Variants in PCDHGA5 observed in about 807,000 individuals in gnomAD.
PCDHGA5 encodes protocadherin gamma subfamily A, 5.
A neutral mutation model predicts 56.7 loss-of-function variants in PCDHGA5; 36 were observed. The observed-to-expected ratio is 0.64, with a 90% CI of 0.49 to 0.84. The LOEUF is 0.84. Ranked by LOEUF, PCDHGA5 falls within the 40% of genes least tolerant of loss-of-function variation. The probability of loss-of-function intolerance (pLI) is 0.00; values close to 1 mark genes in which losing one functional copy is unlikely to be tolerated. For synonymous variants in PCDHGA5, 563 were observed against 520.2 expected, an observed-to-expected ratio of 1.08 and a Z score of -1.12; for missense variants, 1,305 against 1,201.5, an observed-to-expected ratio of 1.09 and a Z score of -1.27.
intron 1 of PCDHGA5, among the ~76,000 whole-genome samples, chr5:141,444,359 C>T (rs942218966): frequency 7.9e-5 from 12 of 151,582 alleles, no homozygotes; most frequent in East Asian, 7.7e-4. Context: ...TTAGTAGAGA[C>T]GGGGTTTCTC....
intron 1 of PCDHGA5, among the ~76,000 whole-genome samples, chr5:141,461,165 TG>T (rs2099010296): frequency 6.6e-6 from 1 of 152,146 alleles, no homozygotes; most frequent in South Asian, 2.1e-4. Flanking sequence ...ATAGTGGGAT[TG>T]CTGGATTGAA....
chr5:141,481,229 A>G (rs989963485), intron 1 of PCDHGA5, among the ~76,000 whole-genome samples: 5 of 152,212 alleles, frequency 3.3e-5, no homozygotes, highest in African/African-American at 4.8e-5. Context: ...TCCCAGCCTT[A>G]AAGTATTACA....
intron 1 of PCDHGA5, chr5:141,418,595 G>T (rs1331897624): frequency 5.6e-6 from 9 of 1,613,928 alleles, no homozygotes; most frequent in Non-Finnish European, 7.6e-6. Flanking sequence ...CAGCCAGGAC[G>T]TGTACAGGGT....
chr5:141,430,750 G>A (rs746434313), intron 1 of PCDHGA5: 2 of 1,500,586 alleles, frequency 1.3e-6, no homozygotes, highest in Non-Finnish European at 1.8e-6. Context: ...AATTCTGGAG[G>A]AAGATAAGAA....
At chr5:141,509,354 A>G (rs1229726913) in intron 3 of PCDHGA5, among the ~76,000 whole-genome samples, 2 of 152,144 alleles carry the variant, frequency 1.3e-5, no homozygotes, top group Non-Finnish European at 2.9e-5. Context: ...TGGCCTGGGC[A>G]TCCCTGAGGT....
rs1319222603 is a variant in PCDHGA5 at position 141,438,686 on chromosome 5, A to G, written c.2422-56121A>G. Among the ~76,000 whole-genome samples the G allele has an allele frequency of 2.8e-5, 4 of 140,922 alleles. No homozygotes were observed. The Admixed American group carries it at 2.9e-4, about 10-fold the overall frequency. 92.5% of individuals were successfully genotyped at this position (140,922 alleles called of 152,430 possible). On this transcript the variant is annotated intron_variant, in intron 1 of 3. Transcript: ENST00000518069. ...TATATATATTTGGAGTAGGGGATGGAGTCTTGCTCTGTCACCCAGGCTGGA... is the reference window on the plus strand; with the variant it reads ...TATATATATTTGGAGTAGGGGATGGGGTCTTGCTCTGTCACCCAGGCTGGA...
chr5:141,454,857 G>C (rs1365819097), intron 1 of PCDHGA5, among the ~76,000 whole-genome samples: 2 of 131,566 alleles, frequency 1.5e-5, no homozygotes, highest in African/African-American at 6.0e-5. Context: ...ACCCAGGCTG[G>C]AGTGCAGTGG....
chr5:141,419,945 T>C (rs2096451536), intron 1 of PCDHGA5: 4 of 1,614,088 alleles, frequency 2.5e-6, no homozygotes, highest in Middle Eastern at 1.6e-4. Context: ...GGTGGTGGCC[T>C]TGGCCTTGAT....
rs748176272 is a variant in PCDHGA5, at chr5:141,371,620, C to A, written c.2421+4869C>A. On this transcript the variant is annotated intron_variant, in intron 1 of 3. Coordinates refer to ENST00000518069, the MANE Select transcript of PCDHGA5 (RefSeq NM_018918.3). ...ACATACAGGTTGGTGACAGATGGAG[C>A]CCTGGACCGGGAGCAGATCCCAGAA... The A allele has an allele frequency of 2.5e-6, 4 of 1,613,874 alleles. No homozygotes were observed. The African/African-American group carries it at 4.0e-5, about 16-fold the overall frequency.
chr5:141,389,569 A>T, intron 1 of PCDHGA5: 2 of 1,613,182 alleles, frequency 1.2e-6, no homozygotes, highest in Non-Finnish European at 1.7e-6. Context: ...CGGGTGCTGT[A>T]CCCCGCGCTG....
chr5:141,448,329 A>T (rs1166759766), intron 1 of PCDHGA5, among the ~76,000 whole-genome samples: 1 of 152,146 alleles, frequency 6.6e-6, no homozygotes, highest in Non-Finnish European at 1.5e-5. Context: ...TTGAATCTTT[A>T]TAGCCATGTA....
chr5:141,371,372 T>A lies in PCDHGA5; in HGVS notation c.2421+4621T>A, dbSNP rs73265849. ...GGGTGGAAGCAAAGGATGGTGGACA[T>A]CACACTGCATATTGTAAAGTACAGA... is the stretch of plus-strand genomic sequence containing the variant. On this transcript the variant is annotated intron_variant, in intron 1 of 3. Transcript: ENST00000518069. 2,400 of 1,613,952 alleles carry A rather than the reference T, an allele frequency of 1.5e-3. 32 individuals are homozygous for A. In the African/African-American group the frequency reaches 0.028, roughly 19 times the overall value.
intron 1 of PCDHGA5, among the ~76,000 whole-genome samples, chr5:141,406,157 C>A: frequency 6.6e-6 from 1 of 151,124 alleles, no homozygotes. Flanking sequence ...ACTGCAGTCT[C>A]AATCTCCTGG....
intron 1 of PCDHGA5, chr5:141,372,871 G>A: frequency 7.4e-7 from 1 of 1,350,238 alleles, no homozygotes; most frequent in African/African-American, 1.5e-5. Context: ...TTGATTTAGA[G>A]ATAAAAAGAA....
At chr5:141,388,831 T>A (rs1300455758) in intron 1 of PCDHGA5, 1 of 1,613,964 alleles carries the variant, frequency 6.2e-7, no homozygotes, top group Non-Finnish European at 8.5e-7. Flanking sequence ...TATTCCATAG[T>A]TTTGGAAGCA....
chr5:141,402,760 G>A (rs2094303871), intron 1 of PCDHGA5, among the ~76,000 whole-genome samples: 1 of 152,176 alleles, frequency 6.6e-6, no homozygotes, highest in African/African-American at 2.4e-5. Flanking sequence ...CGAAAATCAG[G>A]ACTCCATCCG....
chr5:141,419,993 G>T (rs754254084), intron 1 of PCDHGA5: 5 of 1,614,056 alleles, frequency 3.1e-6, no homozygotes, highest in Middle Eastern at 1.6e-4. Context: ...TCTAGCTATT[G>T]CTCTACGCCT....
At chr5:141,427,946 T>A (rs769401863) in intron 1 of PCDHGA5, 1 of 1,586,550 alleles carries the variant, frequency 6.3e-7, no homozygotes, top group Middle Eastern at 1.7e-4. Flanking sequence ...GCGACCTCAA[T>A]GACAATGTGC....
At chr5:141,428,004 G>C in intron 1 of PCDHGA5, 1 of 1,601,732 alleles carries the variant, frequency 6.2e-7, no homozygotes, top group East Asian at 2.2e-5. Context: ...CGCACTCTTC[G>C]ATATAGTGCC....
Sources: allele counts gnomAD v4.1 joint callset (sites outside exome capture counted in the v4.1 genomes callset), GRCh38; gene constraint gnomAD v4.1.1; transcripts MANE v1.5; gene names NCBI Gene and HGNC (gene_info 2026-07-23, HGNC 2026-07-21).